Variants in TENM1 observed in about 807,000 individuals in gnomAD.
TENM1 encodes the protein teneurin transmembrane protein 1.
A neutral mutation model predicts 174.8 loss-of-function variants in TENM1; 35 were observed. The ratio of observed to expected loss-of-function variants is 0.20; its 90% CI spans 0.15 to 0.27. The LOEUF (loss-of-function observed/expected upper bound fraction) is 0.27. TENM1 is among the 10% of genes least tolerant of loss of function. The probability of loss-of-function intolerance (pLI) is 1.00; values close to 1 mark genes in which losing one functional copy is unlikely to be tolerated. For missense variants in TENM1, 1,633 were observed against 2,130.1 expected (o/e 0.77, Z 4.59); for synonymous variants, 781 against 798.7 (o/e 0.98, Z 0.37).
At chrX:125,000,851 A>T in the TENM1 span, among the ~76,000 whole-genome samples, 1 of 111,476 alleles carries the variant, frequency 9.0e-6, no homozygotes, top group East Asian at 2.8e-4. Flanking sequence ...TAAGGCCACC[A>T]GAGGCTTCCA....
Position 124,881,260 on chromosome X carries a change from G to A in TENM1, c.535+13036C>T, listed in dbSNP as rs188119725. ...TATTTTCCTGATTCAATCTTGGTAG[G>A]GTGTATGTGGCCAGGAATTTATCCA... On this transcript the variant is annotated intron_variant, in intron 3 of 31. Coordinates refer to ENST00000422452, the Ensembl canonical transcript of TENM1. Among the ~76,000 whole-genome samples the A allele has an allele frequency of 6.3e-5, 7 of 111,446 alleles. No individual in the cohort carries two copies. The East Asian group carries it at 1.4e-3, about 22-fold the overall frequency.
At chrX:124,823,136 G>C (rs746422592) in intron 3 of TENM1, among the ~76,000 whole-genome samples, 1 of 111,988 alleles carries the variant, frequency 8.9e-6, no homozygotes, top group African/African-American at 3.2e-5. Context: ...ATACTAAGCT[G>C]CTTGCTTTTC....
intron 22 of TENM1, among the ~76,000 whole-genome samples, chrX:124,466,279 T>C (rs1046728230): frequency 2.7e-5 from 3 of 111,747 alleles, no homozygotes; most frequent in African/African-American, 9.8e-5. Context: ...TTTAGAAACA[T>C]AACAATTTGA....
rs770767665 is a variant in TENM1, at chrX:124,940,278, G to A, written c.217+23259C>T. 2.3e-3 allele frequency among the ~76,000 whole-genome samples: 261 copies of A among 111,676 alleles called. 1 individual carries two copies. Among genetic ancestry groups the A allele is most frequent in the African/African-American group, 8.0e-3 (245 of 30,743 alleles). The stretch of plus-strand genomic sequence containing the variant: ...CATTAAATACACTGCTTCTATATCA[G>A]GGTGGTAAGAAGAGATGGTCAAGAG... On this transcript the variant is annotated intron_variant, in intron 1 of 31. Coordinates refer to ENST00000422452, the Ensembl canonical transcript of TENM1.
chrX:124,384,977 A>AG, intron 29 of TENM1, 123 bp from the exon 33 acceptor site: 10 of 560,942 alleles, frequency 1.8e-5, no homozygotes, highest in Non-Finnish European at 2.6e-5. Flanking sequence ...TTAGAGACTG[A>AG]TCTCTGATAT....
At chrX:124,626,254 T>G (rs2050633997) in intron 11 of TENM1, among the ~76,000 whole-genome samples, 1 of 111,521 alleles carries the variant, frequency 9.0e-6, no homozygotes, top group African/African-American at 3.3e-5. Context: ...ATAGAATTTT[T>G]AGAGCCACCA....
chrX:124,380,413 T>C, exon 32 of TENM1: 1 of 580,658 alleles, frequency 1.7e-6, no homozygotes, highest in Non-Finnish European at 2.6e-6. Flanking sequence ...TGAAAGGCAG[T>C]TGGATATGTT....
chrX:124,731,345 C>A (rs1485992791), intron 4 of TENM1, among the ~76,000 whole-genome samples: 1 of 111,669 alleles, frequency 9.0e-6, no homozygotes, highest in Non-Finnish European at 1.9e-5. Context: ...ATGGTAAAAT[C>A]AATATCAGTA....
intron 5 of TENM1, among the ~76,000 whole-genome samples, chrX:124,674,437 C>T (rs924179258): frequency 6.4e-5 from 7 of 109,400 alleles, no homozygotes; most frequent in Non-Finnish European, 7.6e-5. Context: ...AGTTAGTGAC[C>T]GAGAACAGAG....
intron 1 of TENM1, among the ~76,000 whole-genome samples, chrX:124,917,140 T>C (rs750672142): frequency 1.8e-5 from 2 of 111,478 alleles, no homozygotes; most frequent in Admixed American, 1.9e-4. Context: ...GGCTGTAAGG[T>C]TGACAGCCCG....
At chrX:124,834,368 C>T (rs770915045) in intron 3 of TENM1, among the ~76,000 whole-genome samples, 4 of 111,389 alleles carry the variant, frequency 3.6e-5, no homozygotes, top group Non-Finnish European at 7.5e-5. Context: ...GATGGGGTTT[C>T]GCCACATGGC....
chrX:124,855,920 G>A (rs1020952073), intron 3 of TENM1, among the ~76,000 whole-genome samples: 7 of 111,283 alleles, frequency 6.3e-5, no homozygotes, highest in African/African-American at 2.3e-4. Flanking sequence ...GGAGAAGTGT[G>A]GGAAGAGAAA....
the TENM1 span, among the ~76,000 whole-genome samples, chrX:125,098,338 A>G: frequency 1.8e-5 from 2 of 112,300 alleles, no homozygotes; most frequent in Non-Finnish European, 3.8e-5. Context: ...ATTTAGCACA[A>G]TACCTTGAAC....
intron 1 of TENM1, among the ~76,000 whole-genome samples, chrX:124,916,768 C>T (rs2057931570): frequency 9.3e-6 from 1 of 107,092 alleles, no homozygotes; most frequent in African/African-American, 3.5e-5. Context: ...ATGGCGAGTT[C>T]ACCCCCTTTC....
chrX:124,693,843 G>A (rs141764821), intron 5 of TENM1, among the ~76,000 whole-genome samples: 1,543 of 109,983 alleles, frequency 0.014, 15 homozygotes, highest in South Asian at 0.024. Flanking sequence ...TCCCTTTTAT[G>A]TTCATTCTGA....
intron 6 of TENM1, among the ~76,000 whole-genome samples, chrX:124,661,849 G>T (rs1290358427): frequency 1.8e-5 from 2 of 111,218 alleles, no homozygotes; most frequent in Non-Finnish European, 3.8e-5. Context: ...CTACCTTTTA[G>T]GCATGCAGAA....
the TENM1 span, among the ~76,000 whole-genome samples, chrX:125,102,550 T>C: frequency 8.9e-6 from 1 of 112,017 alleles, no homozygotes; most frequent in African/African-American, 3.2e-5. Flanking sequence ...AACCCTATGA[T>C]TGTATTATTT....
chrX:124,506,266 C>T (rs1470739183), intron 18 of TENM1, among the ~76,000 whole-genome samples: 6 of 111,125 alleles, frequency 5.4e-5, no homozygotes, highest in Non-Finnish European at 1.1e-4. Context: ...TTGGAGCCTG[C>T]TTTTTCTCTC....
At chrX:124,706,677 T>A (rs937942498) in intron 4 of TENM1, among the ~76,000 whole-genome samples, 1 of 111,920 alleles carries the variant, frequency 8.9e-6, no homozygotes, top group African/African-American at 3.2e-5. Flanking sequence ...CAAAAACAAA[T>A]AAATAAATAA....
Sources: allele counts gnomAD v4.1 joint callset (sites outside exome capture counted in the v4.1 genomes callset), GRCh38; gene constraint gnomAD v4.1.1; transcripts MANE v1.5; gene names NCBI Gene and HGNC (gene_info 2026-07-23, HGNC 2026-07-21).